PTPRQ: variants seen among roughly 807,000 people sequenced by gnomAD.
PTPRQ encodes protein tyrosine phosphatase receptor type Q.
In PTPRQ, 199 loss-of-function variants were observed where a neutral mutation model predicts 246.0. That is an observed-to-expected ratio of 0.81 (90% CI 0.72 to 0.91). The LOEUF (loss-of-function observed/expected upper bound fraction) is 0.91. Ranked by LOEUF, PTPRQ falls within the 40% of genes least tolerant of loss-of-function variation. The probability of loss-of-function intolerance (pLI) is 0.00; values close to 1 mark genes in which losing one functional copy is unlikely to be tolerated. For synonymous variants in PTPRQ, 869 were observed against 853.2 expected, an observed-to-expected ratio of 1.02 and a Z score of -0.32; for missense variants, 2,624 against 2,528.4, an observed-to-expected ratio of 1.04 and a Z score of -0.81.
chr12:80,637,053 A>G (rs1320593213), intron 35 of PTPRQ, among the ~76,000 whole-genome samples: 3 of 152,160 alleles, frequency 2.0e-5, no homozygotes, highest in East Asian at 1.9e-4. Context: ...TGAGGTCAGG[A>G]GTTTGAAACC....
rs562883823 is a variant in PTPRQ, at chr12:80,594,687, ATT to A, written c.4609+6236_4609+6237del. The stretch of plus-strand genomic sequence containing the variant: ...TGTTCAAACTAGTTATCTAGAAATC[ATT>A]GTTAGTTCTTTTTACCTACTCTCAT... On this transcript the variant is annotated intron_variant, in intron 26 of 44. Coordinates refer to ENST00000644991, the MANE Select transcript of PTPRQ (RefSeq NM_001145026.2). Among the ~76,000 whole-genome samples the A allele has an allele frequency of 1.8e-3, 277 of 152,164 alleles. 4 individuals are homozygous for A. The highest frequency in any genetic ancestry group is 6.5e-3 in the African/African-American group (270 of 41,526).
In PTPRQ at chr12:80,506,107, C is replaced by A. The variant is rs767769646; in HGVS notation, c.2356C>A (p.Pro786Thr). ...IELSFLPPSS[P>T]NGIIQKYTIY... The stretch of plus-strand genomic sequence containing the variant: ...GCTATCATTCCTTCCCCCAAGTAGT[C>A]CCAATGGAATCATACAAAAATATAC... The change falls in exon 15 of 45, where the codon CCC becomes ACC. Residue 786 changes from proline (P) to threonine (T), a missense_variant. Coordinates refer to ENST00000644991, the MANE Select transcript of PTPRQ (RefSeq NM_001145026.2). 2.3e-5 allele frequency: 36 copies of A among 1,542,340 alleles called. No individual in the cohort carries two copies. In the African/African-American group the frequency reaches 4.1e-4, roughly 18 times the overall value.
chr12:80,580,845 T>G (rs1897411107), intron 25 of PTPRQ, among the ~76,000 whole-genome samples: 1 of 152,192 alleles, frequency 6.6e-6, no homozygotes, highest in Non-Finnish European at 1.5e-5. Context: ...TGTCACATAA[T>G]AGGAGGCTGA....
At chr12:80,625,748 G>T (rs902361028) in intron 33 of PTPRQ, among the ~76,000 whole-genome samples, 2 of 152,052 alleles carry the variant, frequency 1.3e-5, no homozygotes, top group Admixed American at 1.3e-4. Context: ...GATAACGTAT[G>T]CATTATTTTA....
At chr12:80,504,753 T>C (rs1205198615) in intron 14 of PTPRQ, among the ~76,000 whole-genome samples, 1 of 151,924 alleles carries the variant, frequency 6.6e-6, no homozygotes, top group Non-Finnish European at 1.5e-5. Flanking sequence ...TCAGGGTACA[T>C]ATAGATATCA....
intron 26 of PTPRQ, among the ~76,000 whole-genome samples, chr12:80,599,782 C>T (rs1460922332): frequency 6.6e-6 from 1 of 151,182 alleles, no homozygotes; most frequent in African/African-American, 2.4e-5. Flanking sequence ...AAATATTTCT[C>T]TTAAATTACC....
At chr12:80,463,896 C>G (rs1267881706) in intron 6 of PTPRQ, among the ~76,000 whole-genome samples, 3 of 151,600 alleles carry the variant, frequency 2.0e-5, no homozygotes, top group Admixed American at 1.3e-4. Flanking sequence ...ACAACTGGTA[C>G]CAGCCGCTGC....
At chr12:80,640,473 C>T (rs971014522) in intron 35 of PTPRQ, among the ~76,000 whole-genome samples, 23 of 152,120 alleles carry the variant, frequency 1.5e-4, no homozygotes, top group Admixed American at 7.2e-4. Flanking sequence ...ATGTTCTATG[C>T]TTAGAATGAA....
chr12:80,559,487 C>G (rs991025582), intron 25 of PTPRQ, among the ~76,000 whole-genome samples: 6 of 152,216 alleles, frequency 3.9e-5, no homozygotes, highest in African/African-American at 1.2e-4. Context: ...GATGAAAGAG[C>G]TGTCTCTCCT....
At chr12:80,630,249 C>G (rs565852601) in intron 33 of PTPRQ, among the ~76,000 whole-genome samples, 49 of 152,058 alleles carry the variant, frequency 3.2e-4, no homozygotes, top group Middle Eastern at 3.4e-3. Flanking sequence ...TTCCTTCCCC[C>G]CTATGTCATA....
chr12:80,530,873 A>G (rs1233815326), intron 17 of PTPRQ, among the ~76,000 whole-genome samples: 3 of 152,102 alleles, frequency 2.0e-5, no homozygotes, highest in Non-Finnish European at 4.4e-5. Flanking sequence ...AAAAGCATTC[A>G]AACCATTTGA....
intron 3 of PTPRQ, among the ~76,000 whole-genome samples, chr12:80,456,570 T>C (rs1565716402): frequency 6.6e-6 from 1 of 152,192 alleles, no homozygotes; most frequent in Non-Finnish European, 1.5e-5. Flanking sequence ...TTAGTCAACC[T>C]AGTTCTGCTT....
At chr12:80,511,695 A>C (rs935073496) in intron 17 of PTPRQ, among the ~76,000 whole-genome samples, 1 of 152,166 alleles carries the variant, frequency 6.6e-6, no homozygotes, top group African/African-American at 2.4e-5. Flanking sequence ...CCATGTAAAA[A>C]TCTACAGGGC....
chr12:80,653,782 G>C (rs181423501), intron 38 of PTPRQ, among the ~76,000 whole-genome samples: 1 of 152,228 alleles, frequency 6.6e-6, no homozygotes, highest in East Asian at 1.9e-4. Context: ...TAGAACTAGG[G>C]AATAACTTAT....
At chr12:80,638,849 C>T (rs2121189769) in intron 35 of PTPRQ, among the ~76,000 whole-genome samples, 1 of 152,220 alleles carries the variant, frequency 6.6e-6, no homozygotes, top group African/African-American at 2.4e-5. Flanking sequence ...AAAGATTATT[C>T]ACATTTTATG....
At chr12:80,452,874 G>A (rs1892818567) in intron 3 of PTPRQ, among the ~76,000 whole-genome samples, 1 of 152,088 alleles carries the variant, frequency 6.6e-6, no homozygotes, top group Non-Finnish European at 1.5e-5. Flanking sequence ...GAGTATCTTT[G>A]TAGCGTTCTC....
At chr12:80,556,176 T>C (rs1252485352) in intron 25 of PTPRQ, among the ~76,000 whole-genome samples, 1 of 152,044 alleles carries the variant, frequency 6.6e-6, no homozygotes, top group African/African-American at 2.4e-5. Context: ...TACAGGCCTG[T>C]GCCACCACAC....
intron 9 of PTPRQ, among the ~76,000 whole-genome samples, chr12:80,484,906 G>A (rs766200295): frequency 2.0e-5 from 3 of 151,982 alleles, no homozygotes; most frequent in Non-Finnish European, 4.4e-5. Context: ...TGAATTGTTC[G>A]GAAACTCTTG....
At chr12:80,645,196 A>G (rs1900028979) in intron 35 of PTPRQ, among the ~76,000 whole-genome samples, 1 of 152,084 alleles carries the variant, frequency 6.6e-6, no homozygotes, top group Admixed American at 6.6e-5. Context: ...TTATCACTTG[A>G]GTAGGCAAGA....
Sources: gnomAD v4.1 joint callset for allele counts (sites outside exome capture counted in the v4.1 genomes callset) on GRCh38, gnomAD v4.1.1 for gene constraint, MANE v1.5 for transcripts, NCBI Gene and HGNC (gene_info 2026-07-23, HGNC 2026-07-21) for gene names.